The following PCDHA9 variants were observed in gnomAD, a reference collection of about 807,000 sequenced individuals.
PCDHA9 encodes protocadherin alpha-9.
In PCDHA9, 62 loss-of-function variants were observed where a neutral mutation model predicts 62.0. The observed-to-expected ratio is 1.00, with a 90% CI of 0.81 to 1.23. PCDHA9 has a LOEUF of 1.23. Ranked by LOEUF, PCDHA9 falls within the 50% of genes most tolerant of loss-of-function variation. PCDHA9 has a pLI of 0.00. For synonymous variants in PCDHA9, 557 were observed against 567.6 expected (o/e 0.98, Z 0.27); for missense variants, 1,205 against 1,249.8 (o/e 0.96, Z 0.54).
intron 1 of PCDHA9, among the ~76,000 whole-genome samples, chr5:140,879,542 GA>G (rs1281717017): frequency 6.6e-6 from 1 of 152,104 alleles, no homozygotes; most frequent in African/African-American, 2.4e-5. Context: ...CTCCTTTAGA[GA>G]AAAAAATAAT....
intron 3 of PCDHA9, among the ~76,000 whole-genome samples, chr5:141,007,166 A>C (rs548434277): frequency 3.3e-5 from 5 of 152,294 alleles, no homozygotes; most frequent in Admixed American, 6.5e-5. Context: ...GAACAGTCAG[A>C]GAGAAAGGTC....
At chr5:140,852,794 G>A (rs2042475674) in intron 1 of PCDHA9, 1 of 976,830 alleles carries the variant, frequency 1.0e-6, no homozygotes, top group South Asian at 4.8e-5. Flanking sequence ...GGATGCTACA[G>A]ATGTCATTTG....
intron 1 of PCDHA9, chr5:140,969,265 A>T: frequency 1.9e-6 from 3 of 1,614,250 alleles, no homozygotes; most frequent in Non-Finnish European, 2.5e-6. Flanking sequence ...GGAATCTCAC[A>T]GGCCAAAGTG....
intron 1 of PCDHA9, chr5:140,868,711 A>G (rs2050603151): frequency 1.1e-5 from 2 of 187,754 alleles, no homozygotes; most frequent in Non-Finnish European, 2.2e-5. Flanking sequence ...AGACACAATA[A>G]TTTAAATTTG....
At chr5:140,941,299 TC>T (rs1554214293) in intron 1 of PCDHA9, among the ~76,000 whole-genome samples, 2 of 144,342 alleles carry the variant, frequency 1.4e-5, no homozygotes, top group African/African-American at 2.5e-5. Context: ...TTTCTTTCTT[TC>T]TTTCTTTTTC....
At position 140,968,115 on chromosome 5, in the gene PCDHA9, C is replaced by T. The variant is rs199565711; in HGVS notation, c.2395-10834C>T. On this transcript the variant is annotated intron_variant, in intron 1 of 3. Coordinates refer to ENST00000532602, the MANE Select transcript of PCDHA9 (RefSeq NM_031857.2). ...ACAGATGGGGGAATACCGCAGCTCACATCCCTGCGTACACTGAAGGTTGAG... is the reference window on the plus strand; with the variant it reads ...ACAGATGGGGGAATACCGCAGCTCATATCCCTGCGTACACTGAAGGTTGAG... 8.7e-6 allele frequency: 14 copies of T among 1,614,068 alleles called. No individual in the cohort carries two copies. In the Admixed American group the frequency reaches 1.2e-4, roughly 13 times the overall value.
intron 1 of PCDHA9, chr5:140,865,913 C>G (rs2049050417): frequency 6.6e-6 from 1 of 152,098 alleles, no homozygotes; most frequent in African/African-American, 2.4e-5. Flanking sequence ...ATCTTTCTTT[C>G]TGTTGTGCTT....
intron 1 of PCDHA9, among the ~76,000 whole-genome samples, chr5:140,892,460 C>T (rs1428598912): frequency 1.3e-5 from 2 of 152,102 alleles, no homozygotes; most frequent in African/African-American, 2.4e-5. Context: ...TCTTTAAGTA[C>T]GGTTATTCAG....
intron 1 of PCDHA9, chr5:140,860,306 G>T (rs991442000): frequency 6.6e-6 from 1 of 152,016 alleles, no homozygotes; most frequent in Non-Finnish European, 1.5e-5. Context: ...GCTTGAGCCT[G>T]GGAAGTTGAG....
chr5:140,853,369 T>G, intron 1 of PCDHA9: 1 of 982,984 alleles, frequency 1.0e-6, no homozygotes, highest in African/African-American at 1.8e-5. Flanking sequence ...GATCCAGAGA[T>G]GGTAAAATTC....
At chr5:141,005,868 G>T (rs1428789229) in intron 3 of PCDHA9, among the ~76,000 whole-genome samples, 1 of 152,078 alleles carries the variant, frequency 6.6e-6, no homozygotes, top group African/African-American at 2.4e-5. Flanking sequence ...GGTCGATTGA[G>T]TCCAGGAGTT....
At chr5:140,863,247 C>A (rs782167324) in intron 1 of PCDHA9, 18 of 1,379,648 alleles carry the variant, frequency 1.3e-5, no homozygotes, top group Non-Finnish European at 1.6e-5. Context: ...CTTTGGCGGG[C>A]GTCGAGGTCC....
At chr5:140,875,262 C>A in intron 1 of PCDHA9, 1 of 1,157,366 alleles carries the variant, frequency 8.6e-7, no homozygotes, top group African/African-American at 1.6e-5. Flanking sequence ...CATGATGTCG[C>A]TCTACACTCA....
intron 1 of PCDHA9, among the ~76,000 whole-genome samples, chr5:140,938,952 C>G (rs1036829091): frequency 4.6e-5 from 7 of 152,104 alleles, no homozygotes; most frequent in South Asian, 2.1e-4. Flanking sequence ...TTATAATGCT[C>G]TAGTCGGAGT....
At chr5:140,870,930 A>C (rs373236202) in intron 1 of PCDHA9, 10 of 1,613,732 alleles carry the variant, frequency 6.2e-6, no homozygotes, top group Non-Finnish European at 8.5e-6. Flanking sequence ...TTTCATATGA[A>C]TTGCAGCCGG....
At chr5:140,927,575 A>G (rs782237037) in intron 1 of PCDHA9, 1 of 1,614,202 alleles carries the variant, frequency 6.2e-7, no homozygotes, top group South Asian at 1.1e-5. Context: ...GACACAAATG[A>G]CAACGCGCCT....
chr5:140,854,013 T>A, intron 1 of PCDHA9: 16 of 343,618 alleles, frequency 4.7e-5, no homozygotes, highest in Non-Finnish European at 6.8e-5. Context: ...AAAAAAAAAA[T>A]TAGCCGGGCA....
In PCDHA9 at chr5:141,010,294, C is replaced by T. The variant is rs545906858; in HGVS notation, c.*357C>T. ...TCCTGTCTTGATGACACTTGCAGGG[C>T]AGGCTGAAAAGTTTTGAGATTGAGC... On this transcript the variant is annotated 3_prime_UTR_variant, in exon 4 of 4. Coordinates refer to ENST00000532602, the MANE Select transcript of PCDHA9 (RefSeq NM_031857.2). 3.2e-6 allele frequency: 5 copies of T among 1,549,782 alleles called. No homozygotes were observed. Among genetic ancestry groups the T allele is most frequent in the Non-Finnish European group, 4.4e-6 (5 of 1,146,446 alleles).
Position 140,875,735 on chromosome 5 carries a change from C to G in PCDHA9, c.2394+24846C>G, listed in dbSNP as rs376701509. ...CAGAATGGCATTTTGTTTGTGAATT[C>G]TCGGATCGACCGCGAGAAGCTGTGC... is the stretch of plus-strand genomic sequence containing the variant. On this transcript the variant is annotated intron_variant, in intron 1 of 3. Coordinates refer to ENST00000532602, the MANE Select transcript of PCDHA9 (RefSeq NM_031857.2). The G allele has an allele frequency of 5.0e-5, 80 of 1,614,232 alleles. No individual in the cohort carries two copies. The South Asian group carries it at 5.4e-4, about 11-fold the overall frequency.
Sources: gnomAD v4.1 joint callset for allele counts (sites outside exome capture counted in the v4.1 genomes callset) on GRCh38, gnomAD v4.1.1 for gene constraint, MANE v1.5 for transcripts, NCBI Gene and HGNC (gene_info 2026-07-23, HGNC 2026-07-21) for gene names.